The following NCAPD2 variants were observed in gnomAD, a reference collection of about 807,000 sequenced individuals.
NCAPD2 encodes non-SMC condensin I complex subunit D2.
Under a neutral mutation model 164.5 loss-of-function variants are expected in NCAPD2, and 100 were observed. The observed-to-expected ratio is 0.61, with a 90% CI of 0.52 to 0.72. The LOEUF is 0.72. Among genes scored for constraint, NCAPD2 ranks in the 30% least tolerant of loss-of-function variants. The pLI is 0.00. For synonymous variants in NCAPD2, 585 were observed against 642.6 expected, an observed-to-expected ratio of 0.91 and a Z score of 1.36; for missense variants, 1,560 against 1,749.2, an observed-to-expected ratio of 0.89 and a Z score of 1.93.
chr12:6,509,401 A>T (rs1946125387), intron 2 of NCAPD2, among the ~76,000 whole-genome samples: 1 of 152,086 alleles, frequency 6.6e-6, no homozygotes, highest in Non-Finnish European at 1.5e-5. Flanking sequence ...AGCTGGGATT[A>T]CAGGCGCCTG....
Position 6,517,914 on chromosome 12 carries a change from A to T in NCAPD2, c.1544A>T (p.Asp515Val). 1 of 1,614,136 alleles carries T rather than the reference A, an allele frequency of 6.2e-7. No individual in the cohort carries two copies. The highest frequency in any genetic ancestry group is 8.5e-7 in the Non-Finnish European group (1 of 1,180,034). Residue 515 changes from aspartate to valine, a missense_variant, in exon 13 of 32, where the codon GAT becomes GTT. Asp to Val is a radical substitution (Grantham distance 152). Transcript: ENST00000315579. ...ATTGCCAATACAGAGACAACTGAAGATGTGAAAGGACGCATCTATCAACTG... is the reference window on the plus strand; with the variant it reads ...ATTGCCAATACAGAGACAACTGAAGTTGTGAAAGGACGCATCTATCAACTG... ...EQIANTETTE[D>V]VKGRIYQLLA...
rs576859525 is a variant in NCAPD2 at position 6,517,006 on chromosome 12, C to T, written c.1166C>T (p.Thr389Ile). The T allele has an allele frequency of 2.5e-5, 40 of 1,614,106 alleles. No individual in the cohort carries two copies. In the East Asian group the frequency reaches 8.7e-4, roughly 35 times the overall value. Residue 389 changes from threonine (T) to isoleucine (I), a missense_variant, in exon 10 of 32, where the codon ACC (threonine) becomes ATC (isoleucine). Thr to Ile is a moderately conservative substitution (Grantham distance 89). Coordinates refer to ENST00000315579, the MANE Select transcript of NCAPD2 (RefSeq NM_014865.4). Reference sequence around the variant, plus strand: ...CGGAGCCGTGTTTTGCAGCTCTTCACCCGAATTGTCCAGCAGAAGGTAACC... The same window carrying T: ...CGGAGCCGTGTTTTGCAGCTCTTCATCCGAATTGTCCAGCAGAAGGTAACC... ...FVRSRVLQLF[T>I]RIVQQKALPL...
At position 6,504,598 on chromosome 12, in the gene NCAPD2, G is replaced by A. The variant is rs147240684; in HGVS notation, c.128-5119G>A. ...GTAGAGATGGGGTTTCACCATGTTGGCCAGGCTGGTCTCAATCTCCTGACC... is the reference window on the plus strand; with the variant it reads ...GTAGAGATGGGGTTTCACCATGTTGACCAGGCTGGTCTCAATCTCCTGACC... On this transcript the variant is annotated intron_variant, in intron 2 of 31. Transcript: ENST00000315579. Among the ~76,000 whole-genome samples, 642 of 152,110 alleles carry A rather than the reference G, an allele frequency of 4.2e-3. 3 individuals carry two copies. The highest frequency in any genetic ancestry group is 0.015 in the African/African-American group (621 of 41,506).
chr12:6,522,164 G>A, intron 15 of NCAPD2, 127 bp downstream of exon 15: 1 of 1,060,778 alleles, frequency 9.4e-7, no homozygotes, highest in Non-Finnish European at 1.3e-6. Context: ...CAACTCCTGG[G>A]CTCAGGCAAT....
chr12:6,498,367 T>C (rs1460284219), intron 2 of NCAPD2, among the ~76,000 whole-genome samples: 1 of 152,206 alleles, frequency 6.6e-6, no homozygotes, highest in African/African-American at 2.4e-5. Context: ...GCATTGATAA[T>C]ACAACAGTAA....
Position 6,514,350 on chromosome 12 carries a change from C to T in NCAPD2, c.673C>T (p.His225Tyr). 6.2e-7 allele frequency: 1 copy of T among 1,614,222 alleles called. No homozygotes were observed. Among genetic ancestry groups the T allele is most frequent in the East Asian group, 2.2e-5 (1 of 44,882 alleles). ...KNRPTREAIT[H>Y]LLGVALTRYN... ...CCGCCCCACTCGGGAAGCCATAACACACCTGCTTGGTGTAGCCTTGACCCG... is the reference window on the plus strand; with the variant it reads ...CCGCCCCACTCGGGAAGCCATAACATACCTGCTTGGTGTAGCCTTGACCCG... The change falls in exon 7 of 32, where the codon CAC (histidine) becomes TAC (tyrosine). Residue 225 changes from histidine (H) to tyrosine (Y), a missense_variant. His to Tyr is a moderately conservative substitution (Grantham distance 83). Transcript: ENST00000315579.
rs1946354976 is a variant in NCAPD2 at position 6,529,837 on chromosome 12, G to T, written c.3716G>T (p.Gly1239Val). ...TCACAGCTGCCCCTCACAGAGCGAGGCCTCCGTAAGATGCTTGACAATTTT... is the reference window on the plus strand; with the variant it reads ...TCACAGCTGCCCCTCACAGAGCGAGTCCTCCGTAAGATGCTTGACAATTTT... ...CVSQLPLTER[G>V]LRKMLDNFDC... is the part of the protein sequence containing the mutation. Residue 1239 changes from glycine (G) to valine (V), a missense_variant, in exon 29 of 32, where the codon GGC (glycine) becomes GTC (valine). Gly to Val is a moderately radical substitution (Grantham distance 109). Transcript: ENST00000315579. 14 of 1,614,130 alleles carry T rather than the reference G, an allele frequency of 8.7e-6. No homozygotes were observed. The East Asian group carries it at 3.1e-4, about 36-fold the overall frequency.
chr12:6,494,356 T>C (rs1352797291), intron 1 of NCAPD2, among the ~76,000 whole-genome samples: 1 of 149,174 alleles, frequency 6.7e-6, no homozygotes, highest in Non-Finnish European at 1.5e-5. Context: ...GTTAAGCAAA[T>C]CGCTTAACAG....
chr12:6,512,024 G>C (rs1360192686), intron 6 of NCAPD2, among the ~76,000 whole-genome samples: 1 of 148,776 alleles, frequency 6.7e-6, no homozygotes, highest in African/African-American at 2.5e-5. Context: ...GCTCACGCCT[G>C]TAATCCCAGC....
At chr12:6,501,078 G>A (rs1466392100) in intron 2 of NCAPD2, among the ~76,000 whole-genome samples, 2 of 142,222 alleles carry the variant, frequency 1.4e-5, no homozygotes, top group African/African-American at 2.6e-5. Flanking sequence ...TTTTTTGACA[G>A]TCTTGCTCTG....
intron 8 of NCAPD2, 92 bp from the exon 9 acceptor site, chr12:6,514,681 C>A (rs1394843683): frequency 3.7e-6 from 6 of 1,605,748 alleles, no homozygotes. Flanking sequence ...ACAGTAGATT[C>A]CTTCAGATAT....
At chr12:6,499,311 A>T (rs1946012643) in intron 2 of NCAPD2, among the ~76,000 whole-genome samples, 1 of 151,968 alleles carries the variant, frequency 6.6e-6, no homozygotes, top group Admixed American at 6.6e-5. Context: ...TCCTGGGCTC[A>T]AGCAATTCTC....
At chr12:6,518,107 AC>A in intron 13 of NCAPD2, 148 bp downstream of exon 13, 1 of 692,208 alleles carries the variant, frequency 1.4e-6, no homozygotes, top group Non-Finnish European at 2.4e-6. Context: ...TAATGGTCTG[AC>A]CATAGGCCTA....
At position 6,503,761 on chromosome 12, in the gene NCAPD2, A is replaced by G. The variant is rs1321873046; in HGVS notation, c.128-5956A>G. 2.2e-5 allele frequency among the ~76,000 whole-genome samples: 3 copies of G among 138,898 alleles called. No homozygotes were observed. In the East Asian group the frequency reaches 6.0e-4, roughly 28 times the overall value. The allele number at this position is 138,898 out of a possible 152,430, so 91.1% of individuals were successfully genotyped here. On this transcript the variant is annotated intron_variant, in intron 2 of 31. Coordinates refer to ENST00000315579, the MANE Select transcript of NCAPD2 (RefSeq NM_014865.4). ...ACTTCAGCCTGGGTGACAGAGCGAG[A>G]CTCCATCTATTTTTTTTTTTTTTTT...
chr12:6,531,435 G>T lies in NCAPD2; in HGVS notation c.*23G>T. ...TAGGAAGTCTGTTCCTGTCCTCCCT[G>T]TGCAGGGTATCCTGTAGGGTGACCT... On this transcript the variant is annotated 3_prime_UTR_variant, in exon 32 of 32. Coordinates refer to ENST00000315579, the MANE Select transcript of NCAPD2 (RefSeq NM_014865.4). This position sits in a 1 kb window ranked among gnomAD's most constrained non-coding sequence, Gnocchi z 4.1. 6.2e-7 allele frequency: 1 copy of T among 1,612,286 alleles called. No individual in the cohort carries two copies. The highest frequency in any genetic ancestry group is 8.5e-7 in the Non-Finnish European group (1 of 1,179,386).
At chr12:6,497,296 C>G (rs933149992) in intron 2 of NCAPD2, among the ~76,000 whole-genome samples, 1 of 28,352 alleles carries the variant, frequency 3.5e-5, no homozygotes, top group South Asian at 2.4e-3. Flanking sequence ...TTTAAATGGT[C>G]ACCTTTTTTT....
Position 6,531,018 on chromosome 12 carries a change from G to C in NCAPD2, c.4062G>C (p.Gln1354His). The C allele has an allele frequency of 6.2e-7, 1 of 1,614,150 alleles. No homozygotes were observed. Among genetic ancestry groups the C allele is most frequent in the Non-Finnish European group, 8.5e-7 (1 of 1,180,042 alleles). The change falls in exon 31 of 32, where the codon CAG becomes CAC. Residue 1354 changes from glutamine (Q) to histidine (H), a missense_variant. By Grantham distance (24) the Gln-to-His change is conservative. Transcript: ENST00000315579. This position sits in a 1 kb window ranked among gnomAD's most constrained non-coding sequence, Gnocchi z 4.1. ...CCCGTCGGCATCCAAACACCCAGCAGCGAGCTTCCAAAAAGAAACCCAAAG... is the reference window on the plus strand; with the variant it reads ...CCCGTCGGCATCCAAACACCCAGCACCGAGCTTCCAAAAAGAAACCCAAAG... ...RTTRRHPNTQ[Q>H]RASKKKPKVV...
intron 13 of NCAPD2, among the ~76,000 whole-genome samples, chr12:6,520,189 A>AT (rs1483913267): frequency 4.0e-5 from 6 of 149,522 alleles, no homozygotes; most frequent in African/African-American, 1.5e-4. Flanking sequence ...TCTAAAAAAA[A>AT]AAATATATAT....
chr12:6,518,972 A>G lies in NCAPD2; in HGVS notation c.1589+1013A>G, dbSNP rs189627720. Among the ~76,000 whole-genome samples, 1,310 of 143,648 alleles carry G rather than the reference A, an allele frequency of 9.1e-3. 10 individuals carry two copies. The highest frequency in any genetic ancestry group is 0.024 in the Middle Eastern group (6 of 254). The allele number at this position is 143,648 out of a possible 152,430, so 94.2% of individuals were successfully genotyped here. The stretch of plus-strand genomic sequence containing the variant: ...GCGATCTTGGCTCACTGCAACCTCC[A>G]CCTCCTGGGTTCACGCCATTCTCCT... On this transcript the variant is annotated intron_variant, in intron 13 of 31. Transcript: ENST00000315579.
Sources: gnomAD v4.1 joint callset for allele counts (sites outside exome capture counted in the v4.1 genomes callset) on GRCh38, gnomAD v4.1.1 for gene constraint, Gnocchi (gnomAD v3.1) non-coding constraint, MANE v1.5 for transcripts, NCBI Gene and HGNC (gene_info 2026-07-23, HGNC 2026-07-21) for gene names.